Variants in ADAMTS3 observed in about 807,000 individuals in gnomAD.
ADAMTS3 encodes the protein ADAM metallopeptidase with thrombospondin type 1 motif 3.
In ADAMTS3, 73 loss-of-function variants were observed where a neutral mutation model predicts 129.0. The observed-to-expected ratio is 0.57, with a 90% CI of 0.47 to 0.69. The LOEUF is 0.69. Among genes scored for constraint, ADAMTS3 ranks in the 30% least tolerant of loss-of-function variants. The pLI is 0.00. For synonymous variants in ADAMTS3, 477 were observed against 510.8 expected, an observed-to-expected ratio of 0.93 and a Z score of 0.89; for missense variants, 1,457 against 1,514.5, an observed-to-expected ratio of 0.96 and a Z score of 0.63.
intron 13 of ADAMTS3, chr4:72,312,009 G>C (rs1719247974): frequency 2.9e-6 from 1 of 343,846 alleles, no homozygotes. Flanking sequence ...GATTTCGGTT[G>C]AATCAGGAAT....
intron 4 of ADAMTS3, among the ~76,000 whole-genome samples, chr4:72,408,761 A>G (rs1397426075): frequency 9.9e-5 from 15 of 151,878 alleles, no homozygotes; most frequent in East Asian, 3.9e-4. Context: ...CTATGCAGCC[A>G]TAAAAAAGGA....
intron 3 of ADAMTS3, chr4:72,441,534 T>G (rs745925648): frequency 1.3e-5 from 2 of 151,782 alleles, no homozygotes; most frequent in African/African-American, 4.8e-5. Flanking sequence ...AGTTTTAATT[T>G]TGAAGTCTAG....
chr4:72,329,077 C>T (rs1381299862), intron 5 of ADAMTS3, among the ~76,000 whole-genome samples: 5 of 152,092 alleles, frequency 3.3e-5, no homozygotes, highest in Admixed American at 1.3e-4. Flanking sequence ...TGAACAGTGG[C>T]TATGTGCCCA....
At position 72,557,973 on chromosome 4, in the gene ADAMTS3, G is replaced by A. The variant is rs115754257; in HGVS notation, c.98-9089C>T. 6.4e-3 allele frequency among the ~76,000 whole-genome samples: 972 copies of A among 151,866 alleles called. 41 individuals carry two copies. The highest frequency in any genetic ancestry group is 0.022 in the African/African-American group (904 of 41,170). On this transcript the variant is annotated intron_variant, in intron 2 of 21. Transcript: ENST00000286657. Reference sequence around the variant, plus strand: ...AGAATCTTACAGACTCGAGAGCTATGTTAGGCACTCTAAAAATTAATATTT... The same window carrying A: ...AGAATCTTACAGACTCGAGAGCTATATTAGGCACTCTAAAAATTAATATTT...
At chr4:72,534,792 C>A (rs7690412) in intron 3 of ADAMTS3, among the ~76,000 whole-genome samples, 26 of 152,170 alleles carry the variant, frequency 1.7e-4, no homozygotes, top group Admixed American at 5.2e-4. Context: ...TGAACATGTT[C>A]CTAATTTTTT....
intron 17 of ADAMTS3, among the ~76,000 whole-genome samples, chr4:72,299,421 T>C (rs1718896869): frequency 6.6e-6 from 1 of 152,180 alleles, no homozygotes; most frequent in African/African-American, 2.4e-5. Context: ...CCTAAAATTG[T>C]TATGTATTAT....
At chr4:72,479,222 G>T (rs969646189) in intron 3 of ADAMTS3, among the ~76,000 whole-genome samples, 3 of 152,160 alleles carry the variant, frequency 2.0e-5, no homozygotes, top group African/African-American at 7.2e-5. Flanking sequence ...CCAAAAAAGA[G>T]CCCGCATTGC....
intron 3 of ADAMTS3, among the ~76,000 whole-genome samples, chr4:72,490,734 T>G (rs576952825): frequency 6.6e-6 from 1 of 151,888 alleles, no homozygotes; most frequent in Admixed American, 6.6e-5. Flanking sequence ...TTAATTAGTG[T>G]AGCTTTGTAA....
chr4:72,289,249 A>T (rs1718596889), intron 20 of ADAMTS3, among the ~76,000 whole-genome samples: 1 of 152,196 alleles, frequency 6.6e-6, no homozygotes, highest in Non-Finnish European at 1.5e-5. Flanking sequence ...AGAAGCCATG[A>T]TTAATAACAA....
In ADAMTS3 at chr4:72,550,060, A is replaced by G. The variant is rs1180895828; in HGVS notation, c.98-1176T>C. Reference sequence around the variant, plus strand: ...AAGAAGAAGAGGAAGAGGAAGAGGAAGAGGAAGAGGAAGAGGAAGAGGAAG... The same window carrying G: ...AAGAAGAAGAGGAAGAGGAAGAGGAGGAGGAAGAGGAAGAGGAAGAGGAAG... On this transcript the variant is annotated intron_variant, in intron 2 of 21. Transcript: ENST00000286657. 8.4e-4 allele frequency among the ~76,000 whole-genome samples: 14 copies of G among 16,652 alleles called. 4 individuals carry two copies. Among genetic ancestry groups the G allele is most frequent in the African/African-American group, 2.5e-3 (12 of 4,778 alleles). The allele number at this position is 16,652 out of a possible 152,430, so 10.9% of individuals were successfully genotyped here.
chr4:72,401,572 AAAAAAAAAAAAAAAAAG>A (rs1406327885), intron 4 of ADAMTS3, among the ~76,000 whole-genome samples: 136 of 142,134 alleles, frequency 9.6e-4, no homozygotes, highest in African/African-American at 3.3e-3. Flanking sequence ...GTCTCAAAAA[AAAAAAAAAAAAAAAAAG>A]AAAAGAAAAA....
At chr4:72,540,971 A>G (rs1015299308) in intron 3 of ADAMTS3, among the ~76,000 whole-genome samples, 2 of 152,218 alleles carry the variant, frequency 1.3e-5, no homozygotes, top group African/African-American at 4.8e-5. Flanking sequence ...TCCCTACTGG[A>G]GTACCACCTA....
intron 17 of ADAMTS3, among the ~76,000 whole-genome samples, chr4:72,300,669 A>C (rs1718926845): frequency 6.6e-6 from 1 of 152,160 alleles, no homozygotes; most frequent in South Asian, 2.1e-4. Context: ...AGAAATGTAG[A>C]TACATTAGGT....
intron 3 of ADAMTS3, among the ~76,000 whole-genome samples, chr4:72,508,630 T>C (rs374673800): frequency 1.4e-4 from 22 of 152,232 alleles, no homozygotes; most frequent in African/African-American, 4.8e-4. Flanking sequence ...AATACCAATA[T>C]TGAATCAGTC....
At chr4:72,431,530 T>C (rs1331870676) in intron 3 of ADAMTS3, among the ~76,000 whole-genome samples, 2 of 152,020 alleles carry the variant, frequency 1.3e-5, no homozygotes, top group Non-Finnish European at 2.9e-5. Flanking sequence ...CTTTGTTTCA[T>C]GCACAAAATT....
At chr4:72,509,079 G>A (rs1464354547) in intron 3 of ADAMTS3, among the ~76,000 whole-genome samples, 3 of 151,908 alleles carry the variant, frequency 2.0e-5, no homozygotes, top group Non-Finnish European at 4.4e-5. Flanking sequence ...TGAAACAAAT[G>A]ATAATGGAAA....
intron 2 of ADAMTS3, among the ~76,000 whole-genome samples, chr4:72,553,880 A>C (rs1419408658): frequency 1.3e-5 from 2 of 152,056 alleles, no homozygotes; most frequent in Non-Finnish European, 2.9e-5. Flanking sequence ...TGTAAAAGAT[A>C]TTTTCTTTTT....
chr4:72,552,362 C>T (rs559289049), intron 2 of ADAMTS3, among the ~76,000 whole-genome samples: 1 of 152,230 alleles, frequency 6.6e-6, no homozygotes, highest in African/African-American at 2.4e-5. Flanking sequence ...TCAGCTATTA[C>T]TAATTTAAGT....
At chr4:72,488,978 A>G (rs1467145326) in intron 3 of ADAMTS3, among the ~76,000 whole-genome samples, 1 of 151,714 alleles carries the variant, frequency 6.6e-6, no homozygotes, top group African/African-American at 2.4e-5. Flanking sequence ...TCTACTCTCC[A>G]TTTCTATAAG....
Sources: allele counts gnomAD v4.1 joint callset (sites outside exome capture counted in the v4.1 genomes callset), GRCh38; gene constraint gnomAD v4.1.1; transcripts MANE v1.5; gene names NCBI Gene and HGNC (gene_info 2026-07-23, HGNC 2026-07-21).